Variants in RUFY2 observed in about 807,000 individuals in gnomAD.
RUFY2 encodes the protein RUN and FYVE domain containing 2.
In RUFY2, 49 loss-of-function variants were observed where a neutral mutation model predicts 94.4. That is an observed-to-expected ratio of 0.52 (90% confidence interval 0.41 to 0.66). The LOEUF is 0.66. Among genes scored for constraint, RUFY2 ranks in the 30% least tolerant of loss-of-function variants. The pLI, the probability that RUFY2 is intolerant of heterozygous loss-of-function variation, is 0.00. For synonymous variants in RUFY2, 255 were observed against 235.7 expected (o/e 1.08, Z -0.75); for missense variants, 541 against 692.8 (o/e 0.78, Z 2.46).
chr10:68,382,949 T>C lies in RUFY2; in HGVS notation c.939+849A>G, dbSNP rs115036908. ...ATGACTTTCCTAATATTTGAATATGTCATTCTGTTCTATTTCATTTTCTAT... is the reference window on the plus strand; with the variant it reads ...ATGACTTTCCTAATATTTGAATATGCCATTCTGTTCTATTTCATTTTCTAT... On this transcript the variant is annotated intron_variant, in intron 10 of 17. Coordinates refer to ENST00000602465, the MANE Select transcript of RUFY2 (RefSeq NM_001330103.2). Among the ~76,000 whole-genome samples the C allele has an allele frequency of 7.9e-3, 1,206 of 152,342 alleles. 27 individuals are homozygous for C. The highest frequency in any genetic ancestry group is 0.028 in the African/African-American group (1,165 of 41,580).
intron 13 of RUFY2, among the ~76,000 whole-genome samples, chr10:68,366,262 G>A (rs780356522): frequency 3.4e-5 from 5 of 148,540 alleles, no homozygotes; most frequent in Admixed American, 1.4e-4. Flanking sequence ...CCCGGGAGGC[G>A]GAGGTTGCAG....
intron 15 of RUFY2, among the ~76,000 whole-genome samples, chr10:68,360,473 G>A (rs1019177690): frequency 2.6e-5 from 4 of 152,032 alleles, no homozygotes; most frequent in African/African-American, 9.7e-5. Context: ...GCCAGGTGCG[G>A]TGGCTCACGC....
At chr10:68,341,139 A>C (rs2045907322), downstream of RUFY2, 1 of 1,444,600 alleles carries the variant, frequency 6.9e-7, no homozygotes, top group Admixed American at 2.4e-5. Context: ...TAATATTCTC[A>C]ATAGAAAAGT....
intron 13 of RUFY2, among the ~76,000 whole-genome samples, chr10:68,374,965 G>T (rs2048528599): frequency 6.6e-6 from 1 of 151,982 alleles, no homozygotes; most frequent in Non-Finnish European, 1.5e-5. Context: ...ATATATGCAT[G>T]CATGGTTTTA....
intron 1 of RUFY2, among the ~76,000 whole-genome samples, chr10:68,406,202 T>A (rs2051286397): frequency 6.6e-6 from 1 of 151,974 alleles, no homozygotes; most frequent in South Asian, 2.1e-4. Context: ...GAGTCTCCAA[T>A]GATCTAGTAT....
chr10:68,363,498 T>C (rs2047601866), intron 15 of RUFY2, 92 bp downstream of exon 15: 2 of 793,776 alleles, frequency 2.5e-6, no homozygotes, highest in Admixed American at 6.2e-5. Context: ...ATCTTTCCTA[T>C]ATTTAAACTC....
chr10:68,341,938 A>C, downstream of RUFY2: 1 of 1,601,646 alleles, frequency 6.2e-7, no homozygotes, highest in Non-Finnish European at 8.6e-7. Flanking sequence ...TTTTATGCAG[A>C]TATCTCCTGC....
chr10:68,355,198 C>G (rs1013101537), intron 16 of RUFY2, among the ~76,000 whole-genome samples, 155 bp downstream of exon 16: 1 of 152,140 alleles, frequency 6.6e-6, no homozygotes, highest in Non-Finnish European at 1.5e-5. Context: ...TCTAGGGGTA[C>G]AGGGAAGAGC....
chr10:68,343,686 A>G lies in RUFY2; in HGVS notation c.*2082T>C, dbSNP rs2046105822. ...AGTCTGTTTTTGAAAAGTAAAATGA[A>G]TACGAGTTCACAATCACGAAATACA... On this transcript the variant is annotated 3_prime_UTR_variant, in exon 18 of 18. Transcript: ENST00000602465. The G allele has an allele frequency of 6.6e-6, 1 of 152,496 alleles. No homozygotes were observed. The allele number at this position is 152,496 out of a possible 1,614,324, so 9.4% of individuals were successfully genotyped here. A position where few individuals can be genotyped will look rare whatever the true frequency, so the allele number is the denominator to read the frequency against.
chr10:68,355,142 C>T (rs776429250), intron 16 of RUFY2, among the ~76,000 whole-genome samples: 9 of 152,104 alleles, frequency 5.9e-5, no homozygotes, highest in Admixed American at 1.3e-4. Flanking sequence ...CCACTGCGCC[C>T]GGCCTCTAAG....
Position 68,394,154 on chromosome 10 carries a change from T to G in RUFY2, c.523-18A>C. The G allele has an allele frequency of 6.7e-7, 1 of 1,486,700 alleles. No individual in the cohort carries two copies. Among genetic ancestry groups the G allele is most frequent in the Non-Finnish European group, 9.0e-7 (1 of 1,111,896 alleles). 92.1% of individuals were successfully genotyped at this position (1,486,700 alleles called of 1,614,324 possible). ...ACTCCAACCTGAAGTAAATAAAGTTTTTTTTAATTTAAAGGGGAGAAAATA... is the reference window on the plus strand; with the variant it reads ...ACTCCAACCTGAAGTAAATAAAGTTGTTTTTAATTTAAAGGGGAGAAAATA... On this transcript the variant is annotated intron_variant, in intron 5 of 17. Coordinates refer to ENST00000602465, the MANE Select transcript of RUFY2 (RefSeq NM_001330103.2).
At chr10:68,379,945 A>C (rs10998101) in intron 11 of RUFY2, among the ~76,000 whole-genome samples, 16,367 of 151,534 alleles carry the variant, frequency 0.11, 1,091 homozygotes, top group South Asian at 0.25. Context: ...GTAGCTGGGA[A>C]TACAGGTGCC....
chr10:68,376,048 C>CA (rs2048612143), intron 13 of RUFY2, among the ~76,000 whole-genome samples: 1 of 141,038 alleles, frequency 7.1e-6, no homozygotes, highest in Non-Finnish European at 1.5e-5. Context: ...TGCAGTGAGC[C>CA]ACCAAGGTCG....
rs760345841 is a variant in RUFY2 at position 68,401,666 on chromosome 10, C to G, written c.250G>C (p.Glu84Gln). The G allele has an allele frequency of 1.2e-6, 2 of 1,614,004 alleles. No individual in the cohort carries two copies. Among genetic ancestry groups the G allele is most frequent in the South Asian group, 1.1e-5 (1 of 91,078 alleles). ...ACACTAGCTCCTATTTCCTCTGCTT[C>G]GGGGTACAGCTTCTCCACCAGTTCC... Reference protein sequence around the residue: ...PLELVEKLYPEAEEIGASVRD... With the variant: ...PLELVEKLYPQAEEIGASVRD... The change falls in exon 3 of 18, where the codon GAA becomes CAA. Residue 84 changes from glutamate to glutamine, a missense_variant. Glu to Gln is a conservative substitution (Grantham distance 29, BLOSUM62 2). Around this residue, in one of 3 missense-constraint regions of RUFY2, gnomAD observed 85 missense variants for 153.4 expected, o/e 0.55. Coordinates refer to ENST00000602465, the MANE Select transcript of RUFY2 (RefSeq NM_001330103.2).
At position 68,345,438 on chromosome 10, in the gene RUFY2, T is replaced by C. The variant is rs535414170; in HGVS notation, c.*330A>G. 2.5e-6 allele frequency: 1 copy of C among 402,578 alleles called. No individual in the cohort carries two copies. The highest frequency in any genetic ancestry group is 3.6e-5 in the East Asian group (1 of 28,166). The allele number at this position is 402,578 out of a possible 1,614,324, so 24.9% of individuals were successfully genotyped here. A position where few individuals can be genotyped will look rare whatever the true frequency, so the allele number is the denominator to read the frequency against. On this transcript the variant is annotated 3_prime_UTR_variant, in exon 18 of 18. Coordinates refer to ENST00000602465, the MANE Select transcript of RUFY2 (RefSeq NM_001330103.2). ...TAAGAGAACTGCAGGCACCATCAAA[T>C]ACCAAATTGACAGAATTCAGAAGAA...
At chr10:68,386,233 T>A (rs1035619447) in intron 7 of RUFY2, 105 bp from the exon 8 acceptor site, 12 of 755,598 alleles carry the variant, frequency 1.6e-5, no homozygotes, top group Non-Finnish European at 2.5e-5. Flanking sequence ...AGGCACCAAC[T>A]GCCCTGTCCA....
At chr10:68,397,914 G>A (rs1384541640) in intron 3 of RUFY2, among the ~76,000 whole-genome samples, 1 of 151,688 alleles carries the variant, frequency 6.6e-6, no homozygotes, top group African/African-American at 2.4e-5. Context: ...GGATCACAAG[G>A]TCAGGAGTTC....
At chr10:68,392,926 C>CAAAAAAAA (rs11432211) in intron 7 of RUFY2, among the ~76,000 whole-genome samples, 1 of 78,560 alleles carries the variant, frequency 1.3e-5, no homozygotes, top group African/African-American at 4.1e-5. Flanking sequence ...GACTTCATCT[C>CAAAAAAAA]AAAAAAAAAA....
intron 13 of RUFY2, among the ~76,000 whole-genome samples, chr10:68,376,491 T>TATATTCA (rs1589884310): frequency 1.9e-5 from 2 of 103,410 alleles, no homozygotes; most frequent in Non-Finnish European, 4.0e-5. Flanking sequence ...TATATATATA[T>TATATTCA]TCTCAGAAAA....
Sources: allele counts gnomAD v4.1 joint callset (sites outside exome capture counted in the v4.1 genomes callset), GRCh38; gene constraint gnomAD v4.1.1; regional missense constraint gnomAD v4.1.1; transcripts MANE v1.5; gene names NCBI Gene and HGNC (gene_info 2026-07-23, HGNC 2026-07-21).